Variants in BTF3L4 observed in about 807,000 individuals in gnomAD.
BTF3L4 encodes the protein transcription factor BTF3 homolog 4.
In BTF3L4, 6 loss-of-function variants were observed where a neutral mutation model predicts 16.8. The observed-to-expected ratio is 0.36, with a 90% CI of 0.20 to 0.71. The LOEUF (loss-of-function observed/expected upper bound fraction) is 0.71. Among genes scored for constraint, BTF3L4 ranks in the 30% least tolerant of loss-of-function variants. BTF3L4 has a pLI of 0.58. For missense variants in BTF3L4, 92 were observed against 186.9 expected, an observed-to-expected ratio of 0.49 and a Z score of 2.96; for synonymous variants, 39 against 59.8, an observed-to-expected ratio of 0.65 and a Z score of 1.60.
Position 52,087,624 on chromosome 1 carries a change from C to T in BTF3L4, c.*866C>T, listed in dbSNP as rs1247062037. The T allele has an allele frequency of 2.0e-5, 3 of 152,132 alleles. No individual in the cohort carries two copies. Among genetic ancestry groups the T allele is most frequent in the African/African-American group, 7.2e-5 (3 of 41,416 alleles). 9.4% of individuals were successfully genotyped at this position (152,132 alleles called of 1,614,324 possible). ...CTTCATCTTCAACTTTTTATTTCTC[C>T]CTGATGTTACAGTTTGGTAGATTTC... On this transcript the variant is annotated 3_prime_UTR_variant, in exon 6 of 6. Transcript: ENST00000313334.
At chr1:52,080,836 C>CTTTTT (rs34697464) in intron 3 of BTF3L4, among the ~76,000 whole-genome samples, 4 of 83,582 alleles carry the variant, frequency 4.8e-5, no homozygotes, top group African/African-American at 1.4e-4. Flanking sequence ...GCTCGGCCTT[C>CTTTTT]TTTTTTTTTT....
chr1:52,060,767 GTAC>G (rs1686488340), intron 2 of BTF3L4: 1 of 301,640 alleles, frequency 3.3e-6, no homozygotes. Flanking sequence ...AGAAGAGCCA[GTAC>G]TTTCTCCTTC....
At chr1:52,075,316 G>A (rs1458528674) in intron 3 of BTF3L4, among the ~76,000 whole-genome samples, 2 of 150,804 alleles carry the variant, frequency 1.3e-5, no homozygotes, top group Non-Finnish European at 3.0e-5. Context: ...CACTTTGGGA[G>A]GATCACGAGG....
intron 3 of BTF3L4, among the ~76,000 whole-genome samples, chr1:52,081,216 C>T (rs1475430776): frequency 6.6e-6 from 1 of 151,070 alleles, no homozygotes; most frequent in Non-Finnish European, 1.5e-5. Flanking sequence ...CACCTTACTG[C>T]AACCTCCGAC....
At chr1:52,072,100 G>C (rs952963077) in intron 3 of BTF3L4, among the ~76,000 whole-genome samples, 1 of 150,878 alleles carries the variant, frequency 6.6e-6, no homozygotes, top group Non-Finnish European at 1.5e-5. Flanking sequence ...TTTTGCCCAG[G>C]CTGGAGTGCA....
intron 1 of BTF3L4, among the ~76,000 whole-genome samples, chr1:52,056,736 C>G (rs1377804204): frequency 6.6e-6 from 1 of 152,244 alleles, no homozygotes; most frequent in East Asian, 1.9e-4. Flanking sequence ...CTGTTGTCAT[C>G]TCATTTGATG....
At chr1:52,060,946 A>G (rs1186094258) in intron 2 of BTF3L4, among the ~76,000 whole-genome samples, 1 of 152,214 alleles carries the variant, frequency 6.6e-6, no homozygotes, top group East Asian at 1.9e-4. Context: ...CCACATCGCC[A>G]TTGTGTATTT....
chr1:52,063,315 G>T (rs1051025637), intron 2 of BTF3L4, among the ~76,000 whole-genome samples: 1 of 152,152 alleles, frequency 6.6e-6, no homozygotes, highest in African/African-American at 2.4e-5. Flanking sequence ...AATTTGAGGT[G>T]CCTGAGGATC....
chr1:52,086,471 C>T, intron 5 of BTF3L4: 1 of 480,108 alleles, frequency 2.1e-6, no homozygotes, highest in South Asian at 3.9e-5. Flanking sequence ...TATGAAAATG[C>T]TATTCACCTC....
intron 2 of BTF3L4, among the ~76,000 whole-genome samples, chr1:52,063,394 T>TAA (rs1686568433): frequency 6.6e-6 from 1 of 152,154 alleles, no homozygotes; most frequent in Non-Finnish European, 1.5e-5. Context: ...AATGAGTGCC[T>TAA]ATGTAAATAG....
chr1:52,058,761 C>G lies in BTF3L4; in HGVS notation c.-13-1074C>G, dbSNP rs1046677246. Among the ~76,000 whole-genome samples the G allele has an allele frequency of 4.6e-5, 7 of 152,132 alleles. No homozygotes were observed. The South Asian group carries it at 1.4e-3, about 31-fold the overall frequency. On this transcript the variant is annotated intron_variant, in intron 1 of 5. Coordinates refer to ENST00000313334, the MANE Select transcript of BTF3L4 (RefSeq NM_152265.5). ...GGATTACAGGCATGTGCCACCACGCCCGGCTAATTTTGTATTTTTAGTAAA... is the reference window on the plus strand; with the variant it reads ...GGATTACAGGCATGTGCCACCACGCGCGGCTAATTTTGTATTTTTAGTAAA...
chr1:52,087,439 C>G lies in BTF3L4; in HGVS notation c.*681C>G, dbSNP rs530863514. The G allele has an allele frequency of 6.6e-6, 1 of 152,136 alleles. No individual in the cohort carries two copies. Among genetic ancestry groups the G allele is most frequent in the Non-Finnish European group, 1.5e-5 (1 of 68,028 alleles). 9.4% of individuals were successfully genotyped at this position (152,136 alleles called of 1,614,324 possible). On this transcript the variant is annotated 3_prime_UTR_variant, in exon 6 of 6. Coordinates refer to ENST00000313334, the MANE Select transcript of BTF3L4 (RefSeq NM_152265.5). ...TTTTACTAGCTTGCTTCCTAAATGCCTTTTTTCCTCTCCTTTTGGTCTCCA... is the reference window on the plus strand; with the variant it reads ...TTTTACTAGCTTGCTTCCTAAATGCGTTTTTTCCTCTCCTTTTGGTCTCCA...
chr1:52,067,896 A>G (rs1261932168), intron 3 of BTF3L4, among the ~76,000 whole-genome samples: 1 of 152,214 alleles, frequency 6.6e-6, no homozygotes, highest in African/African-American at 2.4e-5. Context: ...TAACAGACCT[A>G]TACTCCTAGT....
chr1:52,071,979 A>C (rs1264422707), intron 3 of BTF3L4, among the ~76,000 whole-genome samples: 1 of 141,018 alleles, frequency 7.1e-6, no homozygotes, highest in African/African-American at 2.6e-5. Context: ...GTGTGTAGAT[A>C]TATCTATATA....
At chr1:52,073,493 T>TACACACACACACACACACAC in intron 3 of BTF3L4, among the ~76,000 whole-genome samples, 1 of 139,272 alleles carries the variant, frequency 7.2e-6, no homozygotes, top group South Asian at 2.4e-4. Context: ...ATATGCTACA[T>TACACACACACACACACACAC]ACACACACAC....
At chr1:52,085,990 A>G in intron 4 of BTF3L4, 122 bp from the exon 5 acceptor site, 1 of 518,428 alleles carries the variant, frequency 1.9e-6, no homozygotes, top group Non-Finnish European at 3.2e-6. Context: ...TTTTAGATTG[A>G]CAATATTTAG....
intron 3 of BTF3L4, chr1:52,065,229 T>C (rs770797034): frequency 1.1e-4 from 20 of 176,672 alleles, no homozygotes; most frequent in Non-Finnish European, 2.1e-4. Context: ...TCTAATAATG[T>C]AGAAATAAAC....
At chr1:52,079,000 A>G (rs1359813784) in intron 3 of BTF3L4, among the ~76,000 whole-genome samples, 1 of 152,206 alleles carries the variant, frequency 6.6e-6, no homozygotes, top group East Asian at 1.9e-4. Context: ...ACCACACAGT[A>G]TAAAATCACT....
intron 3 of BTF3L4, among the ~76,000 whole-genome samples, chr1:52,073,448 A>ACACTGTATATATG (rs1553239797): frequency 6.6e-6 from 1 of 150,802 alleles, no homozygotes; most frequent in Admixed American, 6.7e-5. Context: ...ATCTTTATGT[A>ACACTGTATATATG]CACTATATAT....
Sources: gnomAD v4.1 joint callset for allele counts (sites outside exome capture counted in the v4.1 genomes callset) on GRCh38, gnomAD v4.1.1 for gene constraint, MANE v1.5 for transcripts, NCBI Gene and HGNC (gene_info 2026-07-23, HGNC 2026-07-21) for gene names.